The following RSPO2 variants were observed in gnomAD, a reference collection of about 807,000 sequenced individuals.
RSPO2 encodes R-spondin-2.
In RSPO2, 14 loss-of-function variants were observed where a neutral mutation model predicts 30.9. The observed-to-expected ratio is 0.45, with a 90% CI of 0.30 to 0.71. The LOEUF (loss-of-function observed/expected upper bound fraction) is 0.71. Among genes scored for constraint, RSPO2 ranks in the 30% least tolerant of loss-of-function variants. The probability of loss-of-function intolerance (pLI) is 0.08; values close to 1 mark genes in which losing one functional copy is unlikely to be tolerated. For missense variants in RSPO2, 264 were observed against 301.9 expected, an observed-to-expected ratio of 0.87 and a Z score of 0.93; for synonymous variants, 107 against 96.4, an observed-to-expected ratio of 1.11 and a Z score of -0.64.
intron 5 of RSPO2, among the ~76,000 whole-genome samples, chr8:107,908,567 T>C (rs552322705): frequency 1.3e-5 from 2 of 152,296 alleles, no homozygotes; most frequent in South Asian, 2.1e-4. Context: ...GGTTAAGAGA[T>C]GGTTTTTTAA....
At chr8:107,993,729 C>T (rs573647065) in intron 2 of RSPO2, among the ~76,000 whole-genome samples, 241 of 152,260 alleles carry the variant, frequency 1.6e-3, no homozygotes, top group Middle Eastern at 0.01. Context: ...ATCCCAATAT[C>T]GTATCAGCAG....
At chr8:108,082,866 A>C in intron 1 of RSPO2, 59 bp from the exon 2 acceptor site, 1 of 508,036 alleles carries the variant, frequency 2.0e-6, no homozygotes, top group Non-Finnish European at 3.5e-6. Flanking sequence ...CCGGGGAGGC[A>C]GCTGCGCCTT....
chr8:107,914,632 T>TA (rs796899262), intron 5 of RSPO2, among the ~76,000 whole-genome samples: 5 of 152,198 alleles, frequency 3.3e-5, no homozygotes, highest in South Asian at 4.1e-4. Context: ...AGAACAGATG[T>TA]AAAAAAACCT....
intron 5 of RSPO2, among the ~76,000 whole-genome samples, chr8:107,949,352 C>T (rs1249002559): frequency 6.6e-6 from 1 of 152,112 alleles, no homozygotes; most frequent in Non-Finnish European, 1.5e-5. Flanking sequence ...TTTTTTGTGG[C>T]GGAGTGGTAT....
At chr8:107,923,293 C>CA (rs1812245044) in intron 5 of RSPO2, among the ~76,000 whole-genome samples, 2 of 152,038 alleles carry the variant, frequency 1.3e-5, no homozygotes, top group Admixed American at 1.3e-4. Context: ...AAAGATGACA[C>CA]ACATGTGGCC....
chr8:107,952,580 T>C (rs1255732883), intron 5 of RSPO2, among the ~76,000 whole-genome samples: 1 of 152,178 alleles, frequency 6.6e-6, no homozygotes, highest in Non-Finnish European at 1.5e-5. Flanking sequence ...GGGTGACATG[T>C]ATAAAGCAGA....
intron 2 of RSPO2, among the ~76,000 whole-genome samples, chr8:108,037,921 T>G (rs1023541800): frequency 6.6e-6 from 1 of 152,158 alleles, no homozygotes; most frequent in Non-Finnish European, 1.5e-5. Context: ...CTGATGGAGA[T>G]GTACAAGGAG....
chr8:108,065,535 C>T (rs1435451264), intron 2 of RSPO2, among the ~76,000 whole-genome samples: 6 of 151,482 alleles, frequency 4.0e-5, no homozygotes, highest in Non-Finnish European at 7.4e-5. Context: ...GGGTATCTTT[C>T]AACAGGTCAT....
chr8:107,940,805 A>G (rs893721785), intron 5 of RSPO2, among the ~76,000 whole-genome samples: 1 of 152,216 alleles, frequency 6.6e-6, no homozygotes, highest in African/African-American at 2.4e-5. Context: ...TGAATAAGGA[A>G]AAAATGGAAA....
intron 5 of RSPO2, among the ~76,000 whole-genome samples, chr8:107,911,630 G>A (rs1399343461): frequency 6.6e-6 from 1 of 152,110 alleles, no homozygotes; most frequent in Non-Finnish European, 1.5e-5. Context: ...TATATAAGGT[G>A]CCCTACTTGT....
chr8:107,919,006 T>G (rs1300142924), intron 5 of RSPO2, among the ~76,000 whole-genome samples: 3 of 152,146 alleles, frequency 2.0e-5, no homozygotes, highest in African/African-American at 7.2e-5. Flanking sequence ...GGAATTGCAC[T>G]TCTTACCCTA....
chr8:108,012,085 C>G (rs780577809), intron 2 of RSPO2, among the ~76,000 whole-genome samples: 2 of 152,144 alleles, frequency 1.3e-5, no homozygotes, highest in Non-Finnish European at 2.9e-5. Flanking sequence ...AATTCAACAT[C>G]CAAATAACTA....
chr8:107,985,351 A>G (rs1434796827), intron 3 of RSPO2, among the ~76,000 whole-genome samples: 1 of 152,204 alleles, frequency 6.6e-6, no homozygotes, highest in Non-Finnish European at 1.5e-5. Flanking sequence ...AAGAATTTAT[A>G]TATAAGGATA....
chr8:107,938,709 G>A (rs1812795428), intron 5 of RSPO2, among the ~76,000 whole-genome samples: 1 of 152,142 alleles, frequency 6.6e-6, no homozygotes, highest in Non-Finnish European at 1.5e-5. Context: ...TAAAGATCTG[G>A]CCAGCCAAGC....
At chr8:108,068,166 AAAGT>A (rs1214163226) in intron 2 of RSPO2, among the ~76,000 whole-genome samples, 8 of 152,240 alleles carry the variant, frequency 5.3e-5, no homozygotes, top group Admixed American at 2.0e-4. Flanking sequence ...TTTGTTTGAA[AAAGT>A]AATAAAGATG....
intron 2 of RSPO2, among the ~76,000 whole-genome samples, chr8:108,037,456 A>C: frequency 6.6e-6 from 1 of 152,222 alleles, no homozygotes; most frequent in East Asian, 1.9e-4. Context: ...TAAGGAAAGA[A>C]GTCATCTCCA....
Position 108,061,370 on chromosome 8 carries a change from GA to G in RSPO2, c.94+21174del, listed in dbSNP as rs1337716361. Among the ~76,000 whole-genome samples, 2 of 151,738 alleles carry G rather than the reference GA, an allele frequency of 1.3e-5. 1 individual carries two copies. Among genetic ancestry groups the G allele is most frequent in the African/African-American group, 4.9e-5 (2 of 41,080 alleles). ...CCAAGCAAATGGAAAACAAAAAAAG[GA>G]AGGGGTTGCAATCCTAGTCTCTGAT... On this transcript the variant is annotated intron_variant, in intron 2 of 5. Transcript: ENST00000276659.
chr8:108,081,858 AAAAC>A (rs1192671375), intron 2 of RSPO2: 10 of 981,760 alleles, frequency 1.0e-5, no homozygotes, highest in Middle Eastern at 5.2e-4. Flanking sequence ...GCCTGTTTTA[AAAAC>A]AAACCTCTGG....
chr8:108,054,047 A>C (rs1812158361), intron 2 of RSPO2, among the ~76,000 whole-genome samples: 1 of 152,166 alleles, frequency 6.6e-6, no homozygotes, highest in Non-Finnish European at 1.5e-5. Flanking sequence ...TAGTATTTAT[A>C]TGATGCATTT....
Sources: gnomAD v4.1 joint callset for allele counts (sites outside exome capture counted in the v4.1 genomes callset) on GRCh38, gnomAD v4.1.1 for gene constraint, MANE v1.5 for transcripts, NCBI Gene and HGNC (gene_info 2026-07-23, HGNC 2026-07-21) for gene names.